Variants in ARHGAP44 observed in about 807,000 individuals in gnomAD.
ARHGAP44 encodes Rho GTPase activating protein 44.
Under a neutral mutation model 106.8 loss-of-function variants are expected in ARHGAP44, and 43 were observed. That is an observed-to-expected ratio of 0.40 (90% CI 0.32 to 0.52). ARHGAP44 has a LOEUF of 0.52. Among genes scored for constraint, ARHGAP44 ranks in the 20% least tolerant of loss-of-function variants. ARHGAP44 has a pLI of 0.48. For missense variants in ARHGAP44, 866 were observed against 1,050.5 expected (o/e 0.82, Z 2.43); for synonymous variants, 439 against 410.3 (o/e 1.07, Z -0.85).
At chr17:12,811,861 TCTC>T (rs1186292684) in intron 1 of ARHGAP44, among the ~76,000 whole-genome samples, 3 of 152,144 alleles carry the variant, frequency 2.0e-5, no homozygotes, top group Admixed American at 6.5e-5. Context: ...CTGCGTCCCT[TCTC>T]CTCCTCTTAA....
At chr17:12,980,358 C>G in intron 19 of ARHGAP44, 125 bp downstream of exon 19, 1 of 1,050,680 alleles carries the variant, frequency 9.5e-7, no homozygotes, top group Non-Finnish European at 1.4e-6. Flanking sequence ...TAATTCCCAT[C>G]TGGACATTAG....
chr17:12,796,411 T>C (rs984887506), intron 1 of ARHGAP44, among the ~76,000 whole-genome samples: 7 of 152,152 alleles, frequency 4.6e-5, no homozygotes, highest in African/African-American at 1.7e-4. Flanking sequence ...GGTCAAAGAA[T>C]ATGTGAATTT....
intron 1 of ARHGAP44, among the ~76,000 whole-genome samples, chr17:12,820,100 A>AT (rs1431267646): frequency 6.6e-6 from 1 of 151,726 alleles, no homozygotes. Flanking sequence ...AGTTAATTTC[A>AT]TTTTTTTTCC....
chr17:12,807,798 A>G (rs2034321539), intron 1 of ARHGAP44, among the ~76,000 whole-genome samples: 1 of 152,194 alleles, frequency 6.6e-6, no homozygotes, highest in Non-Finnish European at 1.5e-5. Flanking sequence ...ATGCCTTCCC[A>G]ACAGTCCCCC....
intron 1 of ARHGAP44, among the ~76,000 whole-genome samples, chr17:12,881,866 C>A (rs1481031646): frequency 6.6e-6 from 1 of 151,928 alleles, no homozygotes; most frequent in South Asian, 2.1e-4. Context: ...GCTATGTTTT[C>A]ATTTTTGTAA....
Position 12,973,306 on chromosome 17 carries a change from A to G in ARHGAP44, c.1528A>G (p.Arg510Gly). The G allele has an allele frequency of 6.2e-7, 1 of 1,608,720 alleles. No homozygotes were observed. The highest frequency in any genetic ancestry group is 8.5e-7 in the Non-Finnish European group (1 of 1,177,430). ...MLEFYKKDGL[R>G]KIQSMGVRVM... ...TGTATGTTTCTGTCCCTGCAGCCTT[A>G]GGAAAATCCAAAGGTATGGTATCCT... The change falls in exon 17 of 21, where the codon AGG becomes GGG. Residue 510 changes from arginine to glycine, a missense_variant. Arg to Gly is a moderately radical substitution (Grantham distance 125). Transcript: ENST00000379672.
At chr17:12,941,168 G>A (rs748976431) in intron 8 of ARHGAP44, 44 bp downstream of exon 8, 8 of 1,567,764 alleles carry the variant, frequency 5.1e-6, no homozygotes, top group South Asian at 1.1e-5. Context: ...CTGTTCGTAG[G>A]AGAAGGGAAT....
At chr17:12,830,443 C>T (rs1285373771) in intron 1 of ARHGAP44, among the ~76,000 whole-genome samples, 2 of 152,106 alleles carry the variant, frequency 1.3e-5, no homozygotes, top group Non-Finnish European at 2.9e-5. Flanking sequence ...CAGATTGTTA[C>T]ATCTTCACTT....
At chr17:12,865,207 G>A (rs1373497100) in intron 1 of ARHGAP44, among the ~76,000 whole-genome samples, 1 of 152,134 alleles carries the variant, frequency 6.6e-6, no homozygotes, top group Non-Finnish European at 1.5e-5. Flanking sequence ...AATCAGACTA[G>A]TGCCAGATTT....
At chr17:12,938,052 T>A (rs1456475953) in intron 7 of ARHGAP44, among the ~76,000 whole-genome samples, 1 of 151,668 alleles carries the variant, frequency 6.6e-6, no homozygotes, top group Non-Finnish European at 1.5e-5. Flanking sequence ...GAGCCAAGAT[T>A]GTGCCACTGC....
intron 1 of ARHGAP44, among the ~76,000 whole-genome samples, chr17:12,892,858 A>T (rs1598009103): frequency 2.0e-5 from 3 of 147,956 alleles, no homozygotes; most frequent in Admixed American, 6.7e-5. Flanking sequence ...TCTTCTTTAT[A>T]TCTTCTATTT....
chr17:12,915,343 A>C (rs761489050), intron 4 of ARHGAP44, among the ~76,000 whole-genome samples: 1 of 152,234 alleles, frequency 6.6e-6, no homozygotes, highest in Non-Finnish European at 1.5e-5. Context: ...AGAATTTAAC[A>C]TCTTTGAAAT....
intron 16 of ARHGAP44, 197 bp from the exon 17 acceptor site, chr17:12,973,105 G>T (rs1161870198): frequency 3.4e-6 from 2 of 586,444 alleles, no homozygotes; most frequent in East Asian, 2.9e-5. Context: ...GCATGGTAGG[G>T]TATGACTTAC....
At chr17:12,976,400 G>A (rs373985015) in intron 18 of ARHGAP44, among the ~76,000 whole-genome samples, 1 of 151,966 alleles carries the variant, frequency 6.6e-6, no homozygotes, top group Admixed American at 6.6e-5. Context: ...ATCACCTGAG[G>A]TCAGGAGCTC....
chr17:12,860,356 G>T (rs972887373), intron 1 of ARHGAP44, among the ~76,000 whole-genome samples: 27 of 152,170 alleles, frequency 1.8e-4, no homozygotes, highest in African/African-American at 6.3e-4. Flanking sequence ...TCTCTTGTCA[G>T]ATAACTGTCT....
chr17:12,972,760 C>T (rs1224134173), intron 16 of ARHGAP44, among the ~76,000 whole-genome samples: 5 of 151,156 alleles, frequency 3.3e-5, no homozygotes, highest in Non-Finnish European at 5.9e-5. Context: ...CTCCTGGGTT[C>T]ATGCCATTCT....
intron 1 of ARHGAP44, among the ~76,000 whole-genome samples, chr17:12,810,369 T>C (rs929124962): frequency 3.3e-5 from 5 of 152,236 alleles, no homozygotes; most frequent in Non-Finnish European, 7.3e-5. Context: ...GAATATCTTA[T>C]CTTGGTTCCC....
At chr17:12,809,077 T>G (rs2034363322) in intron 1 of ARHGAP44, among the ~76,000 whole-genome samples, 1 of 152,210 alleles carries the variant, frequency 6.6e-6, no homozygotes, top group South Asian at 2.1e-4. Context: ...GTCTCTTTGC[T>G]AAAACACAGC....
chr17:12,790,039 C>A, intron 1 of ARHGAP44, 148 bp downstream of exon 1: 1 of 676,062 alleles, frequency 1.5e-6, no homozygotes, highest in South Asian at 2.3e-5. Context: ...CGCTCGCAGG[C>A]GCGACCCCTC....
Sources: gnomAD v4.1 joint callset for allele counts (sites outside exome capture counted in the v4.1 genomes callset) on GRCh38, gnomAD v4.1.1 for gene constraint, MANE v1.5 for transcripts, NCBI Gene and HGNC (gene_info 2026-07-23, HGNC 2026-07-21) for gene names.